The following TSPEAR variants were observed in gnomAD, a reference collection of about 807,000 sequenced individuals.
TSPEAR encodes the protein thrombospondin-type laminin G domain and EAR repeat-containing protein.
A neutral mutation model predicts 71.6 loss-of-function variants in TSPEAR; 69 were observed. That is an observed-to-expected ratio of 0.96 (90% CI 0.79 to 1.18). The LOEUF is 1.18. Among genes scored for constraint, TSPEAR ranks in the 50% most tolerant of loss-of-function variants. TSPEAR has a pLI of 0.00. For missense variants in TSPEAR, 971 were observed against 894.9 expected (o/e 1.09, Z -1.09); for synonymous variants, 402 against 387.2 (o/e 1.04, Z -0.45).
chr21:44,704,331 C>T (rs1555951975), intron 1 of TSPEAR, among the ~76,000 whole-genome samples: 2 of 145,516 alleles, frequency 1.4e-5, no homozygotes, highest in Non-Finnish European at 3.0e-5. Context: ...GCTGTTGGGG[C>T]CTGAAATTTT....
rs587634658 is a variant in TSPEAR, at chr21:44,591,822, G to A, written c.83-23817C>T. ...CGCAGCAGGCCTGCTGGCAGGGGGA[G>A]GAGGTGCAGCAAGTTGGCTGGCAGC... is the stretch of plus-strand genomic sequence containing the variant. On this transcript the variant is annotated intron_variant, in intron 1 of 11. Transcript: ENST00000323084. 1.2e-5 allele frequency: 19 copies of A among 1,598,652 alleles called. No individual in the cohort carries two copies. The South Asian group carries it at 2.1e-4, about 18-fold the overall frequency.
intron 1 of TSPEAR, among the ~76,000 whole-genome samples, chr21:44,606,843 G>T (rs781846818): frequency 6.6e-6 from 1 of 152,142 alleles, no homozygotes; most frequent in Non-Finnish European, 1.5e-5. Flanking sequence ...CAGAAAGGTG[G>T]TTACCAGAGG....
intron 2 of TSPEAR, among the ~76,000 whole-genome samples, chr21:44,534,173 AG>A (rs2053037612): frequency 4.7e-5 from 2 of 42,476 alleles, no homozygotes; most frequent in Non-Finnish European, 8.1e-5. Context: ...AGCTGGTGTG[AG>A]GGGGCGGGGC....
intron 11 of TSPEAR, among the ~76,000 whole-genome samples, chr21:44,501,635 C>T (rs587618031): frequency 5.3e-5 from 8 of 152,188 alleles, no homozygotes; most frequent in Middle Eastern, 3.4e-3. Context: ...ATGGTTGGCC[C>T]ATGCCTGTGG....
At chr21:44,702,382 G>C in intron 1 of TSPEAR, 4 of 530,610 alleles carry the variant, frequency 7.5e-6, no homozygotes, top group Non-Finnish European at 5.2e-6. Context: ...GGCAGCCTGT[G>C]AGCCCAGCTC....
At chr21:44,676,728 G>A in intron 1 of TSPEAR, 1 of 783,964 alleles carries the variant, frequency 1.3e-6, no homozygotes, top group Non-Finnish European at 2.4e-6. Flanking sequence ...TGGCATCTCT[G>A]ACTTCCTCTA....
intron 1 of TSPEAR, among the ~76,000 whole-genome samples, chr21:44,568,579 C>T (rs924700934): frequency 5.9e-5 from 9 of 152,186 alleles, no homozygotes; most frequent in African/African-American, 2.2e-4. Context: ...TTGGTGGGAA[C>T]ATAATTGATG....
chr21:44,707,302 T>TAG (rs1555952602), intron 1 of TSPEAR, among the ~76,000 whole-genome samples: 2 of 135,858 alleles, frequency 1.5e-5, no homozygotes, highest in Non-Finnish European at 3.2e-5. Context: ...GGACGCGGGG[T>TAG]GGGGGGGGGT....
Position 44,528,489 on chromosome 21 carries a change from A to G in TSPEAR, c.885T>C (p.Tyr295=). ...AGACCCACTCGTTGCCAACACACAG[A>G]TACAGGCCCTTCCGGCTGGCATCAA... is the stretch of plus-strand genomic sequence containing the variant. The part of the protein sequence containing the change: ...FWFDASRKGL[Y]LCVGNEWVSV... Residue 295 remains tyrosine, a synonymous_variant, in exon 6 of 12, where the codon TAT becomes TAC. Transcript: ENST00000323084. 1 of 1,614,066 alleles carries G rather than the reference A, an allele frequency of 6.2e-7. No individual in the cohort carries two copies. Among genetic ancestry groups the G allele is most frequent in the Non-Finnish European group, 8.5e-7 (1 of 1,179,994 alleles).
chr21:44,557,908 G>T, intron 2 of TSPEAR: 1 of 980,922 alleles, frequency 1.0e-6, no homozygotes, highest in Non-Finnish European at 1.5e-6. Context: ...TGCCTGGAGG[G>T]AATCGGCATG....
chr21:44,498,631 T>C lies in TSPEAR; in HGVS notation c.*1152A>G, dbSNP rs1266975186. The C allele has an allele frequency of 6.6e-6, 1 of 152,198 alleles. No homozygotes were observed. Among genetic ancestry groups the C allele is most frequent in the East Asian group, 1.9e-4 (1 of 5,194 alleles). 9.4% of individuals were successfully genotyped at this position (152,198 alleles called of 1,614,324 possible). A position where few individuals can be genotyped will look rare whatever the true frequency, so the allele number is the denominator to read the frequency against. Reference sequence around the variant, plus strand: ...GCTGAAGGTGAACAGACAGCTGCGGTGTAGGAAATAGGAAGTTTTGTCCAC... The same window carrying C: ...GCTGAAGGTGAACAGACAGCTGCGGCGTAGGAAATAGGAAGTTTTGTCCAC... On this transcript the variant is annotated 3_prime_UTR_variant, in exon 12 of 12. Coordinates refer to ENST00000323084, the MANE Select transcript of TSPEAR (RefSeq NM_144991.3).
At chr21:44,531,828 G>A (rs955175055) in intron 3 of TSPEAR, among the ~76,000 whole-genome samples, 1 of 152,238 alleles carries the variant, frequency 6.6e-6, no homozygotes, top group Non-Finnish European at 1.5e-5. Flanking sequence ...TGACGAGTGC[G>A]TGGAGGCTGA....
chr21:44,658,047 CCTG>C lies in TSPEAR; in HGVS notation c.82+53383_82+53385del, dbSNP rs587757920. 697 of 1,613,962 alleles carry C rather than the reference CCTG, an allele frequency of 4.3e-4. 8 individuals are homozygous for C. In the South Asian group the frequency reaches 7.2e-3, roughly 17 times the overall value. ...TGCATACACAGCCCCTGCCAGGCATCCTGCTATGTGCCCGTGAGCTGCCAGTCC... is the reference window on the plus strand; with the variant it reads ...TGCATACACAGCCCCTGCCAGGCATCCTATGTGCCCGTGAGCTGCCAGTCC... On this transcript the variant is annotated intron_variant, in intron 1 of 11. Transcript: ENST00000323084.
chr21:44,698,798 A>G (rs781937280), intron 1 of TSPEAR, among the ~76,000 whole-genome samples: 1 of 152,182 alleles, frequency 6.6e-6, no homozygotes, highest in African/African-American at 2.4e-5. Flanking sequence ...CTGCCCCTAC[A>G]ACTCCCGTGT....
chr21:44,706,318 C>T lies in TSPEAR; in HGVS notation c.82+5115G>A, dbSNP rs551971439. Among the ~76,000 whole-genome samples the T allele has an allele frequency of 2.5e-4, 38 of 152,156 alleles. No individual in the cohort carries two copies. In the South Asian group the frequency reaches 7.5e-3, roughly 30 times the overall value. ...GTGTACACGCATGCACACACCCACACGCACACACCCACGTGCACACCCCCA... is the reference window on the plus strand; with the variant it reads ...GTGTACACGCATGCACACACCCACATGCACACACCCACGTGCACACCCCCA... On this transcript the variant is annotated intron_variant, in intron 1 of 11. Transcript: ENST00000323084.
chr21:44,653,864 C>T (rs2146254860), intron 1 of TSPEAR, among the ~76,000 whole-genome samples: 1 of 152,328 alleles, frequency 6.6e-6, no homozygotes, highest in Non-Finnish European at 1.5e-5. Context: ...GGCCGCTCAC[C>T]AGGCCTAACA....
intron 1 of TSPEAR, chr21:44,676,926 A>G (rs1015789617): frequency 1.1e-6 from 1 of 880,352 alleles, no homozygotes; most frequent in Non-Finnish European, 2.0e-6. Flanking sequence ...GTGCACGGGC[A>G]ATCAGGGAGT....
At chr21:44,649,362 C>T (rs1399490777) in intron 1 of TSPEAR, among the ~76,000 whole-genome samples, 1 of 152,180 alleles carries the variant, frequency 6.6e-6, no homozygotes, top group Non-Finnish European at 1.5e-5. Flanking sequence ...CAATACAGGG[C>T]ATCCTGGTAA....
At chr21:44,503,838 C>T (rs1215394869) in intron 11 of TSPEAR, among the ~76,000 whole-genome samples, 7 of 125,446 alleles carry the variant, frequency 5.6e-5, no homozygotes, top group African/African-American at 1.0e-4. Flanking sequence ...GGGAGGAGGC[C>T]GGCCTTGGTG....
Sources: allele counts gnomAD v4.1 joint callset (sites outside exome capture counted in the v4.1 genomes callset), GRCh38; gene constraint gnomAD v4.1.1; transcripts MANE v1.5; gene names NCBI Gene and HGNC (gene_info 2026-07-23, HGNC 2026-07-21).